Variants in IFT80 observed in about 807,000 individuals in gnomAD.
The protein encoded by IFT80 is intraflagellar transport protein 80 homolog.
IFT80 carries 79 observed loss-of-function variants against 107.9 expected under a neutral mutation model. The observed-to-expected ratio is 0.73, with a 90% CI of 0.61 to 0.88. The LOEUF is 0.88. IFT80 is among the 40% of genes least tolerant of loss of function. The pLI, the probability that IFT80 is intolerant of heterozygous loss-of-function variation, is 0.00. For synonymous variants in IFT80, 299 were observed against 300.9 expected (o/e 0.99, Z 0.07); for missense variants, 797 against 914.2 (o/e 0.87, Z 1.65).
rs757868715 is a variant in IFT80, at chr3:160,277,443, A to G, written c.1962T>C (p.Asn654=). 4 of 1,610,430 alleles carry G rather than the reference A, an allele frequency of 2.5e-6. No homozygotes were observed. The Admixed American group carries it at 5.0e-5, about 20-fold the overall frequency. ...CCATTTTTGATTCTTTAGATGGAAG[A>G]TTTTTTATAGAATTGATGTACTGAA... is the stretch of plus-strand genomic sequence containing the variant. ...DKVQYINSIK[N]LPSKESKMAH... Residue 654 remains asparagine (N), a synonymous_variant, in exon 18 of 20, where the codon AAT becomes AAC. Transcript: ENST00000326448.
intron 3 of IFT80, among the ~76,000 whole-genome samples, chr3:160,380,835 T>C (rs1227702482): frequency 6.6e-6 from 1 of 152,178 alleles, no homozygotes; most frequent in Non-Finnish European, 1.5e-5. Flanking sequence ...GATACCTTAC[T>C]AAATGAATAG....
At chr3:160,397,720 T>C (rs1713903202) in intron 1 of IFT80, among the ~76,000 whole-genome samples, 1 of 142,170 alleles carries the variant, frequency 7.0e-6, no homozygotes, top group Non-Finnish European at 1.5e-5. Context: ...TCTATACTTT[T>C]TTTTTTTTTT....
At chr3:160,371,184 C>T (rs539793176) in intron 5 of IFT80, among the ~76,000 whole-genome samples, 3 of 152,284 alleles carry the variant, frequency 2.0e-5, no homozygotes, top group Non-Finnish European at 2.9e-5. Flanking sequence ...TTAGGTCTCA[C>T]GGTCTTCTGT....
intron 8 of IFT80, among the ~76,000 whole-genome samples, chr3:160,346,325 T>G (rs1440857992): frequency 6.6e-6 from 1 of 152,218 alleles, no homozygotes; most frequent in East Asian, 1.9e-4. Context: ...CCTTCCACGA[T>G]GTATACATAT....
At chr3:160,382,229 C>A (rs988802006) in intron 2 of IFT80, among the ~76,000 whole-genome samples, 1 of 152,120 alleles carries the variant, frequency 6.6e-6, no homozygotes, top group Non-Finnish European at 1.5e-5. Context: ...AGTAGGCTAT[C>A]CTTTTCAATC....
intron 1 of IFT80, among the ~76,000 whole-genome samples, chr3:160,394,609 C>T (rs975345474): frequency 1.3e-5 from 2 of 151,982 alleles, no homozygotes; most frequent in Non-Finnish European, 1.5e-5. Flanking sequence ...ATTAGCTGGG[C>T]GTGGTGGCGG....
chr3:160,370,187 T>C (rs1223665616), intron 5 of IFT80, among the ~76,000 whole-genome samples: 4 of 152,152 alleles, frequency 2.6e-5, no homozygotes, highest in Non-Finnish European at 5.9e-5. Context: ...AAACAAACTG[T>C]TCACTACTCT....
intron 15 of IFT80, 100 bp from the exon 16 acceptor site, chr3:160,279,464 G>T: frequency 1.1e-6 from 1 of 921,528 alleles, no homozygotes; most frequent in Non-Finnish European, 1.7e-6. Flanking sequence ...TACACACGGA[G>T]TCTCCAATCT....
At chr3:160,373,223 T>C (rs1311059157) in intron 5 of IFT80, among the ~76,000 whole-genome samples, 1 of 152,172 alleles carries the variant, frequency 6.6e-6, no homozygotes, top group Non-Finnish European at 1.5e-5. Context: ...GTCCTGATTT[T>C]TAATATTGGG....
intron 12 of IFT80, among the ~76,000 whole-genome samples, chr3:160,290,137 G>A (rs193088015): frequency 2.0e-5 from 3 of 152,038 alleles, no homozygotes; most frequent in Admixed American, 6.6e-5. Flanking sequence ...TAATGGGGCC[G>A]GGCTCACACC....
intron 9 of IFT80, among the ~76,000 whole-genome samples, chr3:160,317,737 C>T (rs770203651): frequency 1.6e-4 from 24 of 152,002 alleles, no homozygotes; most frequent in Non-Finnish European, 3.2e-4. Flanking sequence ...GATGGAGATA[C>T]AATCAGCCCA....
chr3:160,378,450 A>C (rs1398154709), intron 3 of IFT80, among the ~76,000 whole-genome samples: 1 of 152,062 alleles, frequency 6.6e-6, no homozygotes, highest in East Asian at 1.9e-4. Context: ...CCTTGAAGCA[A>C]ATACACCCCA....
chr3:160,355,176 A>G (rs1720980756), intron 8 of IFT80, among the ~76,000 whole-genome samples: 1 of 152,210 alleles, frequency 6.6e-6, no homozygotes, highest in South Asian at 2.1e-4. Flanking sequence ...GAAGGAGGGC[A>G]TATTCTCTTG....
chr3:160,276,025 G>A (rs1714235756), intron 18 of IFT80, among the ~76,000 whole-genome samples: 1 of 151,910 alleles, frequency 6.6e-6, no homozygotes, highest in African/African-American at 2.4e-5. Context: ...GTGCCACCAT[G>A]CCCAGCTGCT....
At chr3:160,384,541 A>G in intron 2 of IFT80, 23 bp downstream of exon 2, 1 of 1,436,286 alleles carries the variant, frequency 7.0e-7, no homozygotes, top group Non-Finnish European at 9.7e-7. Flanking sequence ...ATCCAATAAG[A>G]TTTATAAGCA....
chr3:160,310,721 A>G (rs968466642), intron 9 of IFT80, among the ~76,000 whole-genome samples: 1 of 152,202 alleles, frequency 6.6e-6, no homozygotes, highest in Non-Finnish European at 1.5e-5. Flanking sequence ...TAATACCACT[A>G]AAAGAGAGAC....
intron 3 of IFT80, chr3:160,377,741 T>C (rs1324737835): frequency 2.4e-6 from 1 of 411,812 alleles, no homozygotes; most frequent in South Asian, 3.5e-5. Flanking sequence ...AAAATGCATA[T>C]GCTTACGTGG....
At chr3:160,273,266 G>A (rs948593919) in intron 18 of IFT80, among the ~76,000 whole-genome samples, 1 of 152,178 alleles carries the variant, frequency 6.6e-6, no homozygotes, top group Non-Finnish European at 1.5e-5. Flanking sequence ...AAAGCAATGG[G>A]AAACTATGAA....
chr3:160,358,940 G>A (rs888369793), intron 6 of IFT80, among the ~76,000 whole-genome samples: 2 of 152,140 alleles, frequency 1.3e-5, no homozygotes, highest in Non-Finnish European at 2.9e-5. Context: ...TAACAGGTAT[G>A]CATTACATTT....
Sources: allele counts gnomAD v4.1 joint callset (sites outside exome capture counted in the v4.1 genomes callset), GRCh38; gene constraint gnomAD v4.1.1; transcripts MANE v1.5; gene names NCBI Gene and HGNC (gene_info 2026-07-23, HGNC 2026-07-21).